MCTP1: variants seen among roughly 807,000 people sequenced by gnomAD.
MCTP1 encodes multiple C2 and transmembrane domain-containing protein 1.
Under a neutral mutation model 120.6 loss-of-function variants are expected in MCTP1, and 69 were observed. The ratio of observed to expected loss-of-function variants is 0.57; its 90% CI spans 0.47 to 0.70. MCTP1 has a LOEUF of 0.70. MCTP1 is among the 30% of genes least tolerant of loss of function. MCTP1 has a pLI of 0.00. For synonymous variants in MCTP1, 529 were observed against 493.1 expected, an observed-to-expected ratio of 1.07 and a Z score of -0.96; for missense variants, 1,203 against 1,248.8, an observed-to-expected ratio of 0.96 and a Z score of 0.55.
chr5:95,152,244 G>A (rs1346414578), intron 1 of MCTP1, among the ~76,000 whole-genome samples: 1 of 152,130 alleles, frequency 6.6e-6, no homozygotes, highest in Non-Finnish European at 1.5e-5. Flanking sequence ...ATTTAAATCT[G>A]ATCAAAACAC....
intron 17 of MCTP1, among the ~76,000 whole-genome samples, chr5:94,847,682 G>GTATATATA (rs373174876): frequency 9.8e-5 from 10 of 102,372 alleles, no homozygotes; most frequent in African/African-American, 3.5e-4. Context: ...GTGTGTGTGT[G>GTATATATA]TATATATATA....
chr5:95,104,232 T>C (rs1214724241), intron 1 of MCTP1, among the ~76,000 whole-genome samples: 1 of 152,190 alleles, frequency 6.6e-6, no homozygotes, highest in African/African-American at 2.4e-5. Flanking sequence ...TAATGGGACC[T>C]GAACTTAAAA....
chr5:95,046,301 C>T (rs554087943), intron 1 of MCTP1, among the ~76,000 whole-genome samples: 17 of 152,244 alleles, frequency 1.1e-4, no homozygotes, highest in Admixed American at 3.3e-4. Flanking sequence ...TACACAGAAA[C>T]CTTGAACAAA....
intron 1 of MCTP1, among the ~76,000 whole-genome samples, chr5:95,197,182 T>C (rs1750490602): frequency 6.6e-6 from 1 of 152,196 alleles, no homozygotes; most frequent in African/African-American, 2.4e-5. Flanking sequence ...GGCTACAGTT[T>C]GTCACTGAGG....
At chr5:95,057,699 A>G (rs544026612) in intron 1 of MCTP1, among the ~76,000 whole-genome samples, 3 of 152,320 alleles carry the variant, frequency 2.0e-5, no homozygotes, top group African/African-American at 7.2e-5. Context: ...TTACCTTGGT[A>G]AATACCTTTA....
intron 1 of MCTP1, among the ~76,000 whole-genome samples, chr5:95,269,499 A>G (rs1039741712): frequency 3.3e-5 from 5 of 152,226 alleles, no homozygotes; most frequent in African/African-American, 1.2e-4. Context: ...AAATAAACAA[A>G]CTAACCCACT....
At chr5:94,910,187 TGC>T (rs142117224) in intron 9 of MCTP1, among the ~76,000 whole-genome samples, 6 of 148,210 alleles carry the variant, frequency 4.0e-5, no homozygotes, top group South Asian at 2.1e-4. Flanking sequence ...TATGTATGTG[TGC>T]ATACATATAT....
chr5:94,779,539 G>A (rs2152938005), intron 18 of MCTP1, among the ~76,000 whole-genome samples: 1 of 152,190 alleles, frequency 6.6e-6, no homozygotes, highest in South Asian at 2.1e-4. Flanking sequence ...GCATGAAACA[G>A]CTCTGCTATT....
chr5:94,887,525 C>G (rs748799904), intron 12 of MCTP1, among the ~76,000 whole-genome samples: 12 of 151,862 alleles, frequency 7.9e-5, no homozygotes, highest in South Asian at 2.1e-4. Flanking sequence ...AATGATTGTG[C>G]CAGATTAATT....
In MCTP1 at chr5:94,958,181, C is replaced by T. The variant is rs574332241; in HGVS notation, c.839-4820G>A. Among the ~76,000 whole-genome samples, 5 of 152,152 alleles carry T rather than the reference C, an allele frequency of 3.3e-5. No individual in the cohort carries two copies. The East Asian group carries it at 9.6e-4, about 29-fold the overall frequency. ...TCCTGAATGACAAATGAGTAAATAA[C>T]AAAATTAGGGCAGAAATAAATAAGT... On this transcript the variant is annotated intron_variant, in intron 2 of 22. Transcript: ENST00000515393.
intron 1 of MCTP1, among the ~76,000 whole-genome samples, chr5:95,274,467 T>A (rs72781411): frequency 0.032 from 4,937 of 152,180 alleles, 109 homozygotes; most frequent in Non-Finnish European, 0.052. Context: ...ACCCATGTAC[T>A]TAGGAACCTT....
chr5:94,865,669 T>C (rs565487975), intron 17 of MCTP1, among the ~76,000 whole-genome samples: 1 of 151,918 alleles, frequency 6.6e-6, no homozygotes, highest in Non-Finnish European at 1.5e-5. Context: ...TAACTTAATA[T>C]CTACAAGATG....
At chr5:95,086,492 T>A (rs1465091476) in intron 1 of MCTP1, among the ~76,000 whole-genome samples, 1 of 152,208 alleles carries the variant, frequency 6.6e-6, no homozygotes, top group Non-Finnish European at 1.5e-5. Flanking sequence ...GGATAGAATA[T>A]GTTATAACCT....
chr5:95,154,526 A>G (rs928719664), intron 1 of MCTP1, among the ~76,000 whole-genome samples: 2 of 152,176 alleles, frequency 1.3e-5, no homozygotes, highest in Non-Finnish European at 2.9e-5. Flanking sequence ...CTGCCTCCAC[A>G]TTTACATACT....
At chr5:94,832,137 C>G (rs560166932) in intron 17 of MCTP1, among the ~76,000 whole-genome samples, 6 of 152,244 alleles carry the variant, frequency 3.9e-5, no homozygotes, top group African/African-American at 1.4e-4. Context: ...TAATTAATTC[C>G]ACTTTGAGTT....
intron 2 of MCTP1, among the ~76,000 whole-genome samples, chr5:94,968,228 TG>T (rs1826030094): frequency 6.6e-6 from 1 of 152,238 alleles, no homozygotes; most frequent in Non-Finnish European, 1.5e-5. Context: ...AGGAGTTATA[TG>T]GTCAAGTATA....
chr5:94,956,138 C>A (rs1822553535), intron 2 of MCTP1, among the ~76,000 whole-genome samples: 1 of 152,200 alleles, frequency 6.6e-6, no homozygotes, highest in Admixed American at 6.5e-5. Context: ...CTGGAGTTGA[C>A]CCCAGCAAAT....
At chr5:95,210,851 C>T (rs1582542658) in intron 1 of MCTP1, among the ~76,000 whole-genome samples, 1 of 152,094 alleles carries the variant, frequency 6.6e-6, no homozygotes, top group African/African-American at 2.4e-5. Flanking sequence ...CCTTCAGGAG[C>T]TCTTTTAGGG....
intron 17 of MCTP1, among the ~76,000 whole-genome samples, chr5:94,855,487 G>C (rs1333748633): frequency 1.3e-5 from 2 of 151,854 alleles, no homozygotes; most frequent in Non-Finnish European, 2.9e-5. Flanking sequence ...AATTGTTGCT[G>C]TGGTAGGTAA....
Sources: gnomAD v4.1 joint callset for allele counts (sites outside exome capture counted in the v4.1 genomes callset) on GRCh38, gnomAD v4.1.1 for gene constraint, MANE v1.5 for transcripts, NCBI Gene and HGNC (gene_info 2026-07-23, HGNC 2026-07-21) for gene names.